NSRP1: variants seen among roughly 807,000 people sequenced by gnomAD.
NSRP1 encodes the protein coiled-coil domain containing 55.
NSRP1 carries 24 observed loss-of-function variants against 54.7 expected under a neutral mutation model. The observed-to-expected ratio is 0.44, with a 90% confidence interval of 0.32 to 0.62. The LOEUF is 0.62. NSRP1 is among the 20% of genes least tolerant of loss of function. The pLI is 0.06. For missense variants in NSRP1, 596 were observed against 651.2 expected (o/e 0.92, Z 0.92); for synonymous variants, 210 against 213.8 (o/e 0.98, Z 0.15).
At chr17:30,163,566 T>A (rs1289261607) in intron 2 of NSRP1, among the ~76,000 whole-genome samples, 1 of 152,088 alleles carries the variant, frequency 6.6e-6, no homozygotes, top group Non-Finnish European at 1.5e-5. Flanking sequence ...AATATTAGAT[T>A]GATTAAATAA....
rs1217319253 is a variant in NSRP1 at position 30,179,310 on chromosome 17, A to C, written c.508+13A>C. 1 of 1,560,912 alleles carries C rather than the reference A, an allele frequency of 6.4e-7. No individual in the cohort carries two copies. Among genetic ancestry groups the C allele is most frequent in the African/African-American group, 1.4e-5 (1 of 72,404 alleles). On this transcript the variant is annotated intron_variant, in intron 5 of 6. Transcript: ENST00000247026. ...GCTGCACTGGAAGGTAAAATGAAAG[A>C]GTGGGAAAGGCACAAGGAAACAGTA...
At chr17:30,159,614 G>A (rs749009622) in intron 2 of NSRP1, among the ~76,000 whole-genome samples, 1 of 151,814 alleles carries the variant, frequency 6.6e-6, no homozygotes, top group Non-Finnish European at 1.5e-5. Flanking sequence ...GTCATATATG[G>A]CCTTTATTAT....
At chr17:30,123,174 ACT>A (rs2071619660) in intron 2 of NSRP1, among the ~76,000 whole-genome samples, 1 of 152,212 alleles carries the variant, frequency 6.6e-6, no homozygotes, top group Admixed American at 6.5e-5. Context: ...AACTTGGCTC[ACT>A]ACAACCTCCA....
intron 3 of NSRP1, among the ~76,000 whole-genome samples, chr17:30,175,658 G>A (rs963203160): frequency 2.0e-5 from 3 of 151,794 alleles, no homozygotes; most frequent in Non-Finnish European, 4.4e-5. Flanking sequence ...GCCCGTCTTC[G>A]CCCCCCAAAG....
At chr17:30,145,186 T>G (rs2071842470) in intron 2 of NSRP1, among the ~76,000 whole-genome samples, 1 of 152,212 alleles carries the variant, frequency 6.6e-6, no homozygotes, top group Non-Finnish European at 1.5e-5. Context: ...TGATATTATT[T>G]TAAAAAATTC....
intron 2 of NSRP1, among the ~76,000 whole-genome samples, chr17:30,136,509 T>G (rs2151884434): frequency 6.6e-6 from 1 of 152,348 alleles, no homozygotes; most frequent in East Asian, 1.9e-4. Flanking sequence ...TTTACCATAT[T>G]TTATCAAATC....
intron 2 of NSRP1, among the ~76,000 whole-genome samples, chr17:30,151,391 G>A (rs948394267): frequency 1.3e-4 from 20 of 152,104 alleles, no homozygotes; most frequent in East Asian, 5.8e-4. Context: ...CAGAAGCCTC[G>A]TTGATAAACA....
At chr17:30,136,470 G>T (rs751353115) in intron 2 of NSRP1, among the ~76,000 whole-genome samples, 6 of 152,116 alleles carry the variant, frequency 3.9e-5, no homozygotes, top group Admixed American at 6.5e-5. Context: ...TGTTTGATAT[G>T]AATTATCTCA....
intron 2 of NSRP1, chr17:30,127,801 A>G (rs1403203439): frequency 2.6e-6 from 1 of 387,006 alleles, no homozygotes; most frequent in Non-Finnish European, 4.6e-6. Context: ...TTATTAACTT[A>G]GTTTTACATT....
At chr17:30,149,429 A>G (rs765174434) in intron 2 of NSRP1, among the ~76,000 whole-genome samples, 28 of 152,134 alleles carry the variant, frequency 1.8e-4, no homozygotes, top group Non-Finnish European at 3.5e-4. Flanking sequence ...TTCTTGATCT[A>G]TTTGTTATCA....
intron 2 of NSRP1, among the ~76,000 whole-genome samples, chr17:30,119,850 A>G (rs758337639): frequency 6.6e-6 from 1 of 152,124 alleles, no homozygotes; most frequent in Non-Finnish European, 1.5e-5. Flanking sequence ...AATTTAACAT[A>G]TTTGATATTT....
intron 1 of NSRP1, 121 bp from the exon 2 acceptor site, chr17:30,117,959 C>T (rs1237718609): frequency 4.1e-6 from 3 of 740,152 alleles, no homozygotes; most frequent in East Asian, 2.5e-5. Flanking sequence ...CAGTCTGTTA[C>T]GTGTTCATAA....
chr17:30,131,023 A>T (rs891513073), intron 2 of NSRP1, among the ~76,000 whole-genome samples: 1 of 152,226 alleles, frequency 6.6e-6, no homozygotes, highest in African/African-American at 2.4e-5. Flanking sequence ...AGTAATTAAC[A>T]TAACAGATAA....
At chr17:30,167,558 G>A (rs936199994) in intron 2 of NSRP1, among the ~76,000 whole-genome samples, 1 of 151,808 alleles carries the variant, frequency 6.6e-6, no homozygotes, top group African/African-American at 2.4e-5. Flanking sequence ...GCAGTGAGCC[G>A]AGATCGCACC....
chr17:30,122,818 T>G (rs2071616201), intron 2 of NSRP1, among the ~76,000 whole-genome samples: 1 of 152,166 alleles, frequency 6.6e-6, no homozygotes, highest in African/African-American at 2.4e-5. Context: ...AACATTTCTT[T>G]TTTATTGTAG....
chr17:30,141,923 G>C (rs2071809092), intron 2 of NSRP1, among the ~76,000 whole-genome samples: 1 of 152,214 alleles, frequency 6.6e-6, no homozygotes, highest in Admixed American at 6.5e-5. Flanking sequence ...AGGATCGCTT[G>C]AGCCCAGGAG....
chr17:30,173,109 G>C, intron 3 of NSRP1, among the ~76,000 whole-genome samples: 1 of 151,906 alleles, frequency 6.6e-6, no homozygotes, highest in East Asian at 1.9e-4. Context: ...GACTAAAGGC[G>C]CATGCCACCA....
In NSRP1 at chr17:30,116,820, A is replaced by T. The variant is rs201700781; in HGVS notation, c.-24A>T. On this transcript the variant is annotated 5_prime_UTR_variant, in exon 1 of 7. Coordinates refer to ENST00000247026, the MANE Select transcript of NSRP1 (RefSeq NM_032141.4). Reference sequence around the variant, plus strand: ...CGTCAGCGTCACGGAGGCGTCGGCCACGTTCAGCGGACACGGGAGCAAGAT... The same window carrying T: ...CGTCAGCGTCACGGAGGCGTCGGCCTCGTTCAGCGGACACGGGAGCAAGAT... 9 of 1,569,250 alleles carry T rather than the reference A, an allele frequency of 5.7e-6. No individual in the cohort carries two copies. Among genetic ancestry groups the T allele is most frequent in the East Asian group, 2.3e-5 (1 of 42,630 alleles).
chr17:30,136,801 T>A (rs1353124108), intron 2 of NSRP1, among the ~76,000 whole-genome samples: 1 of 151,862 alleles, frequency 6.6e-6, no homozygotes, highest in East Asian at 1.9e-4. Context: ...TGGGATCTTT[T>A]AAAGTTATTA....
Sources: allele counts gnomAD v4.1 joint callset (sites outside exome capture counted in the v4.1 genomes callset), GRCh38; gene constraint gnomAD v4.1.1; transcripts MANE v1.5; gene names NCBI Gene and HGNC (gene_info 2026-07-23, HGNC 2026-07-21).